GLIS3: variants seen among roughly 807,000 people sequenced by gnomAD.
GLIS3 encodes zinc finger protein GLIS3.
In GLIS3, 53 loss-of-function variants were observed where a neutral mutation model predicts 78.6. The observed-to-expected ratio is 0.67, with a 90% CI of 0.54 to 0.85. GLIS3 has a LOEUF of 0.85. GLIS3 is among the 40% of genes least tolerant of loss of function. The pLI is 0.00. For missense variants in GLIS3, 1,703 were observed against 1,231.1 expected (o/e 1.38, Z -5.74); for synonymous variants, 684 against 509.9 (o/e 1.34, Z -4.60).
At chr9:3,886,542 C>G (rs768204263) in intron 7 of GLIS3, among the ~76,000 whole-genome samples, 10 of 152,162 alleles carry the variant, frequency 6.6e-5, no homozygotes, top group Non-Finnish European at 8.8e-5. Flanking sequence ...TTCAGCACTT[C>G]TTTTTGTTTG....
chr9:4,243,263 G>T (rs1367751346), intron 2 of GLIS3, among the ~76,000 whole-genome samples: 1 of 152,182 alleles, frequency 6.6e-6, no homozygotes, highest in East Asian at 1.9e-4. Flanking sequence ...CAGGAAGGAG[G>T]AAGAGGAAGT....
chr9:4,227,306 CAA>C (rs35096957), intron 2 of GLIS3, among the ~76,000 whole-genome samples: 74,108 of 136,766 alleles, frequency 0.54, 20,062 homozygotes, highest in African/African-American at 0.66. Flanking sequence ...GTTATGTTAC[CAA>C]AAAAAAAAAA....
chr9:4,292,568 C>T (rs990628813), intron 1 of GLIS3, among the ~76,000 whole-genome samples: 6 of 152,164 alleles, frequency 3.9e-5, no homozygotes, highest in Admixed American at 2.6e-4. Context: ...AAGGGTTTGA[C>T]ATTTTTGGCT....
intron 4 of GLIS3, among the ~76,000 whole-genome samples, chr9:4,050,105 AC>A (rs1023020133): frequency 6.6e-6 from 1 of 151,876 alleles, no homozygotes; most frequent in Non-Finnish European, 1.5e-5. Flanking sequence ...TGGGTATATA[AC>A]CAAAGGTTTA....
Position 3,937,099 on chromosome 9 carries a change from G to A in GLIS3, c.1801C>T (p.His601Tyr). 2 of 1,614,026 alleles carry A rather than the reference G, an allele frequency of 1.2e-6. No individual in the cohort carries two copies. The highest frequency in any genetic ancestry group is 1.7e-6 in the Non-Finnish European group (2 of 1,180,024). ...HTGEKPYLCQHPGCQKAFSNS... is the reference protein window; with the variant it reads ...HTGEKPYLCQYPGCQKAFSNS... ...CTGAAGGCCTTCTGACAACCCGGAT[G>A]CTGGCACAAATACGGCTTCTCGCCT... Residue 601 changes from histidine to tyrosine, a missense_variant, in exon 5 of 11, where the codon CAT (histidine) becomes TAT (tyrosine). His to Tyr is a moderately conservative substitution (Grantham distance 83). Coordinates refer to ENST00000381971, the MANE Select transcript of GLIS3 (RefSeq NM_001042413.2).
intron 4 of GLIS3, among the ~76,000 whole-genome samples, chr9:4,076,005 A>T (rs753197756): frequency 1.3e-5 from 2 of 152,168 alleles, no homozygotes; most frequent in Non-Finnish European, 2.9e-5. Flanking sequence ...AAAAATTAGT[A>T]CTTTGTGAGG....
At chr9:4,054,239 G>C (rs1825955834) in intron 4 of GLIS3, 2 of 693,798 alleles carry the variant, frequency 2.9e-6, no homozygotes, top group Non-Finnish European at 3.5e-6. Flanking sequence ...TGTGAGGGCA[G>C]AGATCTCATC....
chr9:4,358,026 T>C, the GLIS3 span, among the ~76,000 whole-genome samples: 3 of 152,336 alleles, frequency 2.0e-5, no homozygotes, highest in South Asian at 6.2e-4. Flanking sequence ...TAGGTCTGTA[T>C]GATCTAATAA....
intron 2 of GLIS3, among the ~76,000 whole-genome samples, chr9:4,278,398 T>C (rs1045414160): frequency 4.6e-5 from 7 of 152,296 alleles, no homozygotes; most frequent in African/African-American, 1.4e-4. Flanking sequence ...CATCTTGTTA[T>C]GCCTGTAAGC....
chr9:4,377,259 C>A, the GLIS3 span, among the ~76,000 whole-genome samples: 1 of 135,374 alleles, frequency 7.4e-6, no homozygotes, highest in African/African-American at 2.6e-5. Context: ...GCATCTGGAA[C>A]AAAGCAGGAG....
chr9:3,872,980 G>C (rs1821063754), intron 8 of GLIS3, among the ~76,000 whole-genome samples: 1 of 151,986 alleles, frequency 6.6e-6, no homozygotes, highest in African/African-American at 2.4e-5. Context: ...CAAACAAAAA[G>C]CTGGTTATTG....
intron 6 of GLIS3, among the ~76,000 whole-genome samples, chr9:3,925,711 T>C (rs930201170): frequency 5.3e-5 from 8 of 152,222 alleles, no homozygotes; most frequent in East Asian, 1.9e-4. Context: ...ACTTAAACAA[T>C]TGGGAAAATA....
At chr9:4,203,713 C>A (rs1370246458) in intron 2 of GLIS3, among the ~76,000 whole-genome samples, 1 of 152,070 alleles carries the variant, frequency 6.6e-6, no homozygotes, top group African/African-American at 2.4e-5. Flanking sequence ...CTAGGTGCCC[C>A]CGTCAGTGGT....
intron 2 of GLIS3, among the ~76,000 whole-genome samples, chr9:4,252,224 C>T (rs547129277): frequency 2.0e-4 from 30 of 152,212 alleles, no homozygotes; most frequent in African/African-American, 4.1e-4. Context: ...CCATTCTCCC[C>T]GTCACTTTCA....
the GLIS3 span, among the ~76,000 whole-genome samples, chr9:4,415,657 GACCTT>G: frequency 6.6e-6 from 1 of 152,116 alleles, no homozygotes; most frequent in Admixed American, 6.5e-5. Context: ...GTGCAAATGT[GACCTT>G]ACAACAATAG....
intron 9 of GLIS3, among the ~76,000 whole-genome samples, chr9:3,854,079 G>C (rs1819603460): frequency 6.6e-6 from 1 of 152,180 alleles, no homozygotes; most frequent in African/African-American, 2.4e-5. Context: ...ACTTCACATA[G>C]CCCACACTCA....
At chr9:3,962,958 GGA>G (rs1491202686) in intron 4 of GLIS3, among the ~76,000 whole-genome samples, 1,981 of 149,076 alleles carry the variant, frequency 0.013, 52 homozygotes, top group African/African-American at 0.045. Context: ...GGGGGGGGGG[GGA>G]GAGAGATTTA....
chr9:3,850,887 T>C (rs1370798932), intron 9 of GLIS3, among the ~76,000 whole-genome samples: 1 of 152,234 alleles, frequency 6.6e-6, no homozygotes, highest in African/African-American at 2.4e-5. Flanking sequence ...GCCTGCCCAA[T>C]AAGGTATTTA....
intron 2 of GLIS3, among the ~76,000 whole-genome samples, chr9:4,260,352 G>A (rs1377778582): frequency 5.3e-5 from 8 of 152,128 alleles, no homozygotes; most frequent in African/African-American, 1.9e-4. Context: ...CGATCACGAG[G>A]TCAGGAGTTC....
Sources: allele counts gnomAD v4.1 joint callset (sites outside exome capture counted in the v4.1 genomes callset), GRCh38; gene constraint gnomAD v4.1.1; transcripts MANE v1.5; gene names NCBI Gene and HGNC (gene_info 2026-07-23, HGNC 2026-07-21).